The following GABRB3 variants were observed in gnomAD, a reference collection of about 807,000 sequenced individuals.
The protein encoded by GABRB3 is gamma-aminobutyric acid type A receptor subunit beta3.
GABRB3 carries 14 observed loss-of-function variants against 52.1 expected under a neutral mutation model. The ratio of observed to expected loss-of-function variants is 0.27; its 90% CI spans 0.18 to 0.42. GABRB3 has a LOEUF of 0.42. Among genes scored for constraint, GABRB3 ranks in the 10% least tolerant of loss-of-function variants. The probability of loss-of-function intolerance (pLI) is 1.00; values close to 1 mark genes in which losing one functional copy is unlikely to be tolerated. For missense variants in GABRB3, 307 were observed against 609.1 expected (o/e 0.50, Z 5.22); for synonymous variants, 260 against 232.3 (o/e 1.12, Z -1.08).
At chr15:26,739,884 T>C (rs1018554165) in intron 3 of GABRB3, among the ~76,000 whole-genome samples, 1 of 152,108 alleles carries the variant, frequency 6.6e-6, no homozygotes, top group African/African-American at 2.4e-5. Context: ...TAAGATAAAA[T>C]CCATTCTTAT....
At chr15:26,654,440 C>A (rs1887301318) in intron 3 of GABRB3, among the ~76,000 whole-genome samples, 1 of 152,060 alleles carries the variant, frequency 6.6e-6, no homozygotes, top group Admixed American at 6.5e-5. Context: ...GCCACCGCAC[C>A]CAGCCAACAA....
rs970928345 is a variant in GABRB3, at chr15:26,621,862, G to A, written c.241-328C>T. On this transcript the variant is annotated intron_variant, in intron 3 of 8. Transcript: ENST00000311550. The surrounding 1 kb of genome is among the most constrained non-coding windows in gnomAD (Gnocchi z 4.1). ...CATCGTAAAATCAGGTTGCTGGCGG[G>A]GAACTAGATTGTTCCCATGGATGTT... Among the ~76,000 whole-genome samples, 3 of 149,740 alleles carry A rather than the reference G, an allele frequency of 2.0e-5. No homozygotes were observed. The highest frequency in any genetic ancestry group is 4.5e-5 in the Non-Finnish European group (3 of 67,192).
At chr15:26,593,731 G>C (rs1595467397) in intron 4 of GABRB3, among the ~76,000 whole-genome samples, 1 of 151,764 alleles carries the variant, frequency 6.6e-6, no homozygotes, top group Middle Eastern at 3.4e-3. Context: ...GCAGACATTT[G>C]GGTTGTTTCT....
In GABRB3 at chr15:26,670,016, C is replaced by T. The variant is rs145434142; in HGVS notation, c.241-48482G>A. Among the ~76,000 whole-genome samples the T allele has an allele frequency of 7.3e-3, 1,114 of 152,314 alleles. 32 individuals are homozygous for T. Among genetic ancestry groups the T allele is most frequent in the Admixed American group, 0.049 (754 of 15,308 alleles). Reference sequence around the variant, plus strand: ...GCCCTGTCCATCTTCCAATGCACCCCTCATGCTGTGCAGGAGGTCACAGTC... The same window carrying T: ...GCCCTGTCCATCTTCCAATGCACCCTTCATGCTGTGCAGGAGGTCACAGTC... On this transcript the variant is annotated intron_variant, in intron 3 of 8. Transcript: ENST00000311550.
chr15:26,667,127 G>A lies in GABRB3; in HGVS notation c.241-45593C>T, dbSNP rs148535406. ...ATATCACCTCGCTTCGGTCCCGAAC[G>A]CATCCTGTATTACTGTCTCTGTTCT... On this transcript the variant is annotated intron_variant, in intron 3 of 8. Coordinates refer to ENST00000311550, the MANE Select transcript of GABRB3 (RefSeq NM_000814.6). 5.6e-3 allele frequency among the ~76,000 whole-genome samples: 848 copies of A among 152,294 alleles called. 27 individuals carry two copies. Among genetic ancestry groups the A allele is most frequent in the Admixed American group, 0.051 (773 of 15,306 alleles).
intron 6 of GABRB3, among the ~76,000 whole-genome samples, chr15:26,568,684 G>GGGTTTTTTTTTTT (rs1555402038): frequency 1.5e-5 from 2 of 133,666 alleles, no homozygotes; most frequent in East Asian, 2.5e-4. Flanking sequence ...TTTTTTTTTG[G>GGGTTTTTTTTTTT]TTTTGTATGT....
chr15:26,708,419 G>A (rs925853458), intron 3 of GABRB3, among the ~76,000 whole-genome samples: 4 of 152,204 alleles, frequency 2.6e-5, no homozygotes, highest in African/African-American at 7.2e-5. Context: ...CAGCTACCAG[G>A]TGCAGGCACT....
Position 26,544,960 on chromosome 15 carries a change from C to T in GABRB3, c.*2833G>A, listed in dbSNP as rs1225146563. The T allele has an allele frequency of 2.0e-5, 3 of 152,604 alleles. No individual in the cohort carries two copies. Among genetic ancestry groups the T allele is most frequent in the African/African-American group, 7.2e-5 (3 of 41,454 alleles). 9.5% of individuals were successfully genotyped at this position (152,604 alleles called of 1,614,324 possible). A position where few individuals can be genotyped will look rare whatever the true frequency, so the allele number is the denominator to read the frequency against. The stretch of plus-strand genomic sequence containing the variant: ...GCGACTCAGTCACTGGCTCAAATAA[C>T]TACTGTGGAGTAACGAGAGGTCATT... On this transcript the variant is annotated 3_prime_UTR_variant, in exon 9 of 9. Coordinates refer to ENST00000311550, the MANE Select transcript of GABRB3 (RefSeq NM_000814.6).
At chr15:26,649,025 G>A (rs887894470) in intron 3 of GABRB3, among the ~76,000 whole-genome samples, 2 of 152,028 alleles carry the variant, frequency 1.3e-5, no homozygotes, top group South Asian at 4.2e-4. Context: ...AGATACAAAG[G>A]GTCTGGGCGA....
At chr15:26,599,962 A>T (rs938093827) in intron 4 of GABRB3, among the ~76,000 whole-genome samples, 7 of 152,176 alleles carry the variant, frequency 4.6e-5, no homozygotes, top group Admixed American at 1.3e-4. Flanking sequence ...TCAGTGAACT[A>T]AAACAATATA....
At chr15:26,759,633 C>T (rs560460989) in intron 3 of GABRB3, among the ~76,000 whole-genome samples, 1 of 152,318 alleles carries the variant, frequency 6.6e-6, no homozygotes, top group East Asian at 1.9e-4. Flanking sequence ...GCTGGCTCCT[C>T]GCCCCACACT....
chr15:26,557,549 C>G (rs1889802616), intron 8 of GABRB3: 1 of 152,148 alleles, frequency 6.6e-6, no homozygotes. Context: ...TTGATATAAA[C>G]TTTTTGGGAG....
At position 26,554,176 on chromosome 15, in the gene GABRB3, G is replaced by GTATATATAGATATATATATATA. The variant is rs1889645465; in HGVS notation, c.1081-6043_1081-6042insTATATATATATATCTATATATA. 1.5e-4 allele frequency among the ~76,000 whole-genome samples: 4 copies of GTATATATAGATATATATATATA among 27,344 alleles called. No homozygotes were observed. The South Asian group carries it at 6.6e-3, about 45-fold the overall frequency. The allele number at this position is 27,344 out of a possible 152,430, so 17.9% of individuals were successfully genotyped here. ...TATATATAAAGTATATATATATAAA[G>GTATATATAGATATATATATATA]TATATATATATATACTATATATATA... On this transcript the variant is annotated intron_variant, in intron 8 of 8. Transcript: ENST00000311550.
chr15:26,682,348 G>A (rs187806258), intron 3 of GABRB3, among the ~76,000 whole-genome samples: 6 of 152,258 alleles, frequency 3.9e-5, no homozygotes, highest in East Asian at 1.9e-4. Flanking sequence ...ATGCCCGGGC[G>A]GGTTTCCATA....
chr15:26,772,831 C>T, intron 1 of GABRB3, 52 bp downstream of exon 1: 6 of 1,451,252 alleles, frequency 4.1e-6, no homozygotes, highest in Admixed American at 2.6e-5. Context: ...CCGCCAGCGC[C>T]CCGCGCACCC....
chr15:26,583,632 T>A (rs539653903), intron 4 of GABRB3, among the ~76,000 whole-genome samples: 15 of 152,112 alleles, frequency 9.9e-5, no homozygotes, highest in African/African-American at 3.6e-4. Context: ...AACACAAAAC[T>A]TTATTTTATT....
intron 3 of GABRB3, among the ~76,000 whole-genome samples, chr15:26,635,537 CAGAA>C (rs1177260970): frequency 2.6e-5 from 4 of 151,910 alleles, no homozygotes; most frequent in East Asian, 1.9e-4. Context: ...AATGCTTAAA[CAGAA>C]AGAAAGACGT....
chr15:26,762,575 C>T (rs371985582), intron 3 of GABRB3, among the ~76,000 whole-genome samples: 6 of 152,218 alleles, frequency 3.9e-5, no homozygotes, highest in African/African-American at 1.4e-4. Flanking sequence ...ATTCTTCACC[C>T]CCTCATGAAG....
rs112426245 is a variant in GABRB3, at chr15:26,609,823, CTAGA to C, written c.461+11487_461+11490del. The stretch of plus-strand genomic sequence containing the variant: ...AAAGTTTAGTTCAAATACTAGCTAG[CTAGA>C]TAAATACGTTAACTCACTTGATTTA... On this transcript the variant is annotated intron_variant, in intron 4 of 8. Coordinates refer to ENST00000311550, the MANE Select transcript of GABRB3 (RefSeq NM_000814.6). Among the ~76,000 whole-genome samples the C allele has an allele frequency of 1.1e-3, 166 of 152,248 alleles. 1 individual carries two copies. The highest frequency in any genetic ancestry group is 3.8e-3 in the African/African-American group (157 of 41,558).
Sources: allele counts gnomAD v4.1 joint callset (sites outside exome capture counted in the v4.1 genomes callset), GRCh38; gene constraint gnomAD v4.1.1; non-coding constraint Gnocchi (gnomAD v3.1); transcripts MANE v1.5; gene names NCBI Gene and HGNC (gene_info 2026-07-23, HGNC 2026-07-21).